Variants in GPR158 observed in about 807,000 individuals in gnomAD.
GPR158 encodes metabotropic glycine receptor.
Under a neutral mutation model 78.2 loss-of-function variants are expected in GPR158, and 30 were observed. The observed-to-expected ratio is 0.38, with a 90% CI of 0.29 to 0.52. The LOEUF is 0.52. GPR158 is among the 20% of genes least tolerant of loss of function. The probability of loss-of-function intolerance (pLI) is 0.83; values close to 1 mark genes in which losing one functional copy is unlikely to be tolerated. For missense variants in GPR158, 1,463 were observed against 1,523.5 expected, an observed-to-expected ratio of 0.96 and a Z score of 0.66; for synonymous variants, 581 against 591.1, an observed-to-expected ratio of 0.98 and a Z score of 0.25.
intron 5 of GPR158, among the ~76,000 whole-genome samples, chr10:25,534,713 C>T (rs373899478): frequency 5.9e-5 from 9 of 152,098 alleles, no homozygotes; most frequent in African/African-American, 2.2e-4. Context: ...AACATTGTGC[C>T]ACTGCACTTC....
chr10:25,354,595 T>C (rs1011220960), intron 2 of GPR158, among the ~76,000 whole-genome samples: 2 of 152,138 alleles, frequency 1.3e-5, no homozygotes, highest in Non-Finnish European at 2.9e-5. Flanking sequence ...GTAGATTGCA[T>C]ACTACAATTC....
At position 25,598,096 on chromosome 10, in the gene GPR158, G is replaced by A. The variant is rs12218134; in HGVS notation, c.2470G>A (p.Val824Met). Residue 824 changes from valine (V) to methionine (M), a missense_variant, in exon 11 of 11, where the codon GTG (valine) becomes ATG (methionine). Coordinates refer to ENST00000376351, the MANE Select transcript of GPR158 (RefSeq NM_020752.3). ...GAAATCCCACAGCACTTATGACCAC[G>A]TGAGAGACCAAACGGAAGAGTCCAG... ...LKKSHSTYDHVRDQTEESSSL... is the reference protein window; with the variant it reads ...LKKSHSTYDHMRDQTEESSSL... 44 of 1,614,018 alleles carry A rather than the reference G, an allele frequency of 2.7e-5. No individual in the cohort carries two copies. The East Asian group carries it at 4.0e-4, about 15-fold the overall frequency.
At chr10:25,365,551 C>A (rs1212672806) in intron 2 of GPR158, among the ~76,000 whole-genome samples, 1 of 151,638 alleles carries the variant, frequency 6.6e-6, no homozygotes, top group Non-Finnish European at 1.5e-5. Context: ...TATATAATCA[C>A]TTTTAATATC....
intron 1 of GPR158, among the ~76,000 whole-genome samples, chr10:25,181,667 A>T (rs1852612139): frequency 6.6e-6 from 1 of 152,208 alleles, no homozygotes; most frequent in African/African-American, 2.4e-5. Flanking sequence ...ATGACTCCTT[A>T]TAAACCTAAA....
intron 1 of GPR158, among the ~76,000 whole-genome samples, chr10:25,181,274 A>G (rs570776674): frequency 6.6e-6 from 1 of 152,338 alleles, no homozygotes; most frequent in East Asian, 1.9e-4. Flanking sequence ...TCTTTAAGCT[A>G]TGAAGAGTAA....
chr10:25,596,947 G>A (rs947884887), intron 10 of GPR158, among the ~76,000 whole-genome samples, 158 bp downstream of exon 10: 73 of 152,198 alleles, frequency 4.8e-4, no homozygotes, highest in Admixed American at 5.2e-4. Flanking sequence ...AACTGAAGAT[G>A]TCAAATGCAG....
intron 4 of GPR158, among the ~76,000 whole-genome samples, chr10:25,457,619 C>G (rs1298607138): frequency 6.6e-6 from 1 of 152,136 alleles, no homozygotes; most frequent in Non-Finnish European, 1.5e-5. Flanking sequence ...CAAAGCCATC[C>G]ATATGTTAGG....
chr10:25,319,822 A>ACCC lies in GPR158; in HGVS notation c.1009-76083_1009-76081dup, dbSNP rs11379091. 6.0e-5 allele frequency among the ~76,000 whole-genome samples: 8 copies of ACCC among 134,190 alleles called. No individual in the cohort carries two copies. In the East Asian group the frequency reaches 6.3e-4, roughly 11 times the overall value. 88.0% of individuals were successfully genotyped at this position (134,190 alleles called of 152,430 possible). A position where few individuals can be genotyped will look rare whatever the true frequency, so the allele number is the denominator to read the frequency against. On this transcript the variant is annotated intron_variant, in intron 2 of 10. Transcript: ENST00000376351. ...GACAGGTGATATTGCTGAACACCCCACCCCCCCCAAAAAAAAACCCTGACC... is the reference window on the plus strand; with the variant it reads ...GACAGGTGATATTGCTGAACACCCCACCCCCCCCCCCAAAAAAAAACCCTGACC...
At chr10:25,571,879 T>A (rs1205503606) in intron 6 of GPR158, among the ~76,000 whole-genome samples, 8 of 152,214 alleles carry the variant, frequency 5.3e-5, no homozygotes, top group African/African-American at 1.9e-4. Flanking sequence ...ATTTTCTTCC[T>A]TAATGCAATG....
chr10:25,565,245 A>G (rs1836913874), intron 6 of GPR158, among the ~76,000 whole-genome samples: 1 of 152,196 alleles, frequency 6.6e-6, no homozygotes, highest in Non-Finnish European at 1.5e-5. Flanking sequence ...TAGAAAATAA[A>G]CATCTCCCAA....
chr10:25,287,376 T>C (rs1391573368), intron 2 of GPR158, among the ~76,000 whole-genome samples: 1 of 152,108 alleles, frequency 6.6e-6, no homozygotes, highest in Non-Finnish European at 1.5e-5. Context: ...TGGGTTTTCA[T>C]GTCTTTTTTT....
intron 3 of GPR158, among the ~76,000 whole-genome samples, chr10:25,399,173 C>T (rs1834408485): frequency 6.6e-6 from 1 of 152,010 alleles, no homozygotes; most frequent in Non-Finnish European, 1.5e-5. Flanking sequence ...GGGGAAGGCC[C>T]TTATAAAACC....
rs181041655 is a variant in GPR158 at position 25,395,969 on chromosome 10, C to A, written c.1067C>A (p.Ala356Glu). The change falls in exon 3 of 11, where the codon GCA becomes GAA. Residue 356 changes from alanine (A) to glutamate (E), a missense_variant. Coordinates refer to ENST00000376351, the MANE Select transcript of GPR158 (RefSeq NM_020752.3). ...VLGAYECICK[A>E]GFYHPGVLPV... Reference sequence around the variant, plus strand: ...GGAGCCTATGAGTGCATTTGCAAAGCAGGATTCTATCATCCTGGAGTCTTA... The same window carrying A: ...GGAGCCTATGAGTGCATTTGCAAAGAAGGATTCTATCATCCTGGAGTCTTA... 5.6e-6 allele frequency: 9 copies of A among 1,609,686 alleles called. No individual in the cohort carries two copies. The highest frequency in any genetic ancestry group is 5.0e-5 in the Admixed American group (3 of 59,988).
intron 2 of GPR158, among the ~76,000 whole-genome samples, chr10:25,256,013 A>G (rs994339286): frequency 6.6e-6 from 1 of 152,122 alleles, no homozygotes; most frequent in Non-Finnish European, 1.5e-5. Flanking sequence ...ATGAGTTTCT[A>G]TTTTCAACAT....
intron 1 of GPR158, among the ~76,000 whole-genome samples, chr10:25,211,682 T>C (rs1376178846): frequency 1.4e-5 from 2 of 147,402 alleles, no homozygotes; most frequent in African/African-American, 5.3e-5. Context: ...TTAGGAAGCC[T>C]TCTGATACCC....
chr10:25,226,379 A>C (rs914227340), intron 2 of GPR158, among the ~76,000 whole-genome samples: 1 of 152,188 alleles, frequency 6.6e-6, no homozygotes, highest in African/African-American at 2.4e-5. Context: ...AAAACTTTCA[A>C]ATCCCTGAGT....
intron 3 of GPR158, among the ~76,000 whole-genome samples, chr10:25,397,221 A>T (rs539300017): frequency 7.2e-5 from 11 of 152,330 alleles, no homozygotes; most frequent in African/African-American, 2.6e-4. Context: ...AAACTTGGTC[A>T]TCTGGTTATT....
At chr10:25,559,625 A>C (rs1279941022) in intron 6 of GPR158, among the ~76,000 whole-genome samples, 1 of 152,240 alleles carries the variant, frequency 6.6e-6, no homozygotes, top group African/African-American at 2.4e-5. Context: ...GAATGCTCAG[A>C]AAGCCATATT....
chr10:25,431,797 G>A (rs1243789701), intron 4 of GPR158, among the ~76,000 whole-genome samples: 3 of 152,054 alleles, frequency 2.0e-5, no homozygotes, highest in African/African-American at 7.3e-5. Flanking sequence ...CTCATATGTG[G>A]GAATTGAATG....
Sources: gnomAD v4.1 joint callset for allele counts (sites outside exome capture counted in the v4.1 genomes callset) on GRCh38, gnomAD v4.1.1 for gene constraint, MANE v1.5 for transcripts, NCBI Gene and HGNC (gene_info 2026-07-23, HGNC 2026-07-21) for gene names.